Variants in STK38 observed in about 807,000 individuals in gnomAD.
The protein encoded by STK38 is serine/threonine-protein kinase 38.
In STK38, 26 loss-of-function variants were observed where a neutral mutation model predicts 59.0. The observed-to-expected ratio is 0.44, with a 90% CI of 0.32 to 0.61. The LOEUF (loss-of-function observed/expected upper bound fraction) is 0.61, where lower values mean the gene tolerates loss of function less well. STK38 is among the 20% of genes least tolerant of loss of function. The pLI is 0.04. For synonymous variants in STK38, 175 were observed against 176.6 expected (o/e 0.99, Z 0.07); for missense variants, 433 against 566.0 (o/e 0.76, Z 2.38).
chr6:36,509,663 C>T (rs1023715730), intron 7 of STK38, among the ~76,000 whole-genome samples: 1 of 152,058 alleles, frequency 6.6e-6, no homozygotes, highest in South Asian at 2.1e-4. Flanking sequence ...GACTCAAGGC[C>T]TTTGTCATTA....
Position 36,498,288 on chromosome 6 carries a change from A to G in STK38, c.1076+75T>C. On this transcript the variant is annotated intron_variant, in intron 11 of 13. Transcript: ENST00000229812. ...AAACAGAAAGCAGATTCAGGAGATA[A>G]CAAAAGTTTTTAAAAAAATGGAATC... 2.6e-6 allele frequency: 4 copies of G among 1,554,912 alleles called. No individual in the cohort carries two copies. In the Admixed American group the frequency reaches 8.3e-5, roughly 32 times the overall value.
chr6:36,508,386 G>A (rs1777020149), intron 7 of STK38, among the ~76,000 whole-genome samples: 1 of 152,144 alleles, frequency 6.6e-6, no homozygotes. Context: ...GACAGAGTCT[G>A]TATTCCCAGA....
chr6:36,522,775 G>A (rs1018135232), intron 4 of STK38, among the ~76,000 whole-genome samples: 3 of 138,580 alleles, frequency 2.2e-5, no homozygotes, highest in Non-Finnish European at 3.0e-5. Context: ...AGAATCACTT[G>A]AACCCGAGAG....
intron 12 of STK38, 109 bp from the exon 13 acceptor site, chr6:36,496,914 A>G: frequency 1.5e-6 from 1 of 688,418 alleles, no homozygotes; most frequent in Admixed American, 3.6e-5. Context: ...AAGACTCTTC[A>G]CTGGCAGGCA....
intron 6 of STK38, among the ~76,000 whole-genome samples, chr6:36,517,140 G>C (rs1777275923): frequency 6.6e-6 from 1 of 152,052 alleles, no homozygotes; most frequent in Non-Finnish European, 1.5e-5. Flanking sequence ...AGTTTGCTCA[G>C]AGTTCATCTG....
chr6:36,527,207 A>AAAAAAATATAT (rs60162863), intron 2 of STK38, among the ~76,000 whole-genome samples: 2 of 119,356 alleles, frequency 1.7e-5, no homozygotes, highest in Non-Finnish European at 1.6e-5. Context: ...AAAAAAAAAA[A>AAAAAAATATAT]ATATATGTAT....
At chr6:36,522,994 T>G (rs1777418168) in intron 4 of STK38, among the ~76,000 whole-genome samples, 1 of 152,018 alleles carries the variant, frequency 6.6e-6, no homozygotes, top group Non-Finnish European at 1.5e-5. Flanking sequence ...TGAAGAAAAT[T>G]TACAACCAAA....
At chr6:36,499,067 T>C (rs1301604592) in intron 10 of STK38, among the ~76,000 whole-genome samples, 2 of 151,916 alleles carry the variant, frequency 1.3e-5, no homozygotes, top group Non-Finnish European at 2.9e-5. Flanking sequence ...AGCTAATAGG[T>C]AGAGCTGGGA....
chr6:36,544,750 T>C (rs1039895754), intron 1 of STK38, among the ~76,000 whole-genome samples: 1 of 152,046 alleles, frequency 6.6e-6, no homozygotes, highest in Non-Finnish European at 1.5e-5. Context: ...CACACACCTG[T>C]AGTCCCAGCT....
chr6:36,509,480 T>C (rs778001692), intron 7 of STK38, among the ~76,000 whole-genome samples: 3 of 152,130 alleles, frequency 2.0e-5, no homozygotes, highest in Admixed American at 6.5e-5. Context: ...GATTCTCTTA[T>C]CCGGTGCCTG....
At position 36,545,289 on chromosome 6, in the gene STK38, GAAAAAAAAAAAA is replaced by G. The variant is rs58104312; in HGVS notation, c.-6+1889_-6+1900del. Among the ~76,000 whole-genome samples the G allele has an allele frequency of 2.5e-3, 151 of 60,526 alleles. 1 individual carries two copies. Among genetic ancestry groups the G allele is most frequent in the Middle Eastern group, 0.027 (2 of 74 alleles). The allele number at this position is 60,526 out of a possible 152,430, so 39.7% of individuals were successfully genotyped here. A position where few individuals can be genotyped will look rare whatever the true frequency, so the allele number is the denominator to read the frequency against. ...GCCTGGGTGAGTGAGACTCCGTCTG[GAAAAAAAAAAAA>G]AAAAAAAAAAAAAAGAATAAAGACT... On this transcript the variant is annotated intron_variant, in intron 1 of 13. Coordinates refer to ENST00000229812, the MANE Select transcript of STK38 (RefSeq NM_007271.4).
chr6:36,506,009 T>G (rs1776953517), intron 9 of STK38, among the ~76,000 whole-genome samples: 1 of 152,208 alleles, frequency 6.6e-6, no homozygotes, highest in African/African-American at 2.4e-5. Flanking sequence ...ACGATGTTTC[T>G]TATTTTTCAG....
intron 2 of STK38, among the ~76,000 whole-genome samples, chr6:36,535,468 G>A (rs967160841): frequency 6.6e-6 from 1 of 151,790 alleles, no homozygotes; most frequent in Non-Finnish European, 1.5e-5. Context: ...AAACAAACAA[G>A]CAAGCAAACA....
chr6:36,514,859 A>G lies in STK38; in HGVS notation c.669+479T>C, dbSNP rs1038291280. ...GTGAGACTTCATCTCAAAAAAAAAAAAAAAAAAAAGAGGCTGGGCAGGACT... is the reference window on the plus strand; with the variant it reads ...GTGAGACTTCATCTCAAAAAAAAAAGAAAAAAAAAGAGGCTGGGCAGGACT... On this transcript the variant is annotated intron_variant, in intron 7 of 13. Transcript: ENST00000229812. Among the ~76,000 whole-genome samples, 6 of 151,182 alleles carry G rather than the reference A, an allele frequency of 4.0e-5. No individual in the cohort carries two copies. In the East Asian group the frequency reaches 1.2e-3, roughly 29 times the overall value.
chr6:36,496,843 T>C (rs2127464888), intron 12 of STK38, 38 bp from the exon 13 acceptor site: 4 of 1,454,862 alleles, frequency 2.7e-6, no homozygotes, highest in Non-Finnish European at 3.9e-6. Flanking sequence ...ACTAAGTTAG[T>C]AATCAAATGG....
intron 4 of STK38, among the ~76,000 whole-genome samples, chr6:36,523,619 T>C (rs1187742667): frequency 6.6e-6 from 1 of 152,196 alleles, no homozygotes; most frequent in East Asian, 1.9e-4. Flanking sequence ...ATTGCGTCAG[T>C]AGGTCATCCA....
chr6:36,544,347 A>C (rs113604862), intron 1 of STK38, among the ~76,000 whole-genome samples: 65 of 152,202 alleles, frequency 4.3e-4, no homozygotes, highest in African/African-American at 1.3e-3. Flanking sequence ...AAAACAACAA[A>C]AAAAAAACCT....
chr6:36,534,976 A>G lies in STK38; in HGVS notation c.131+5096T>C, dbSNP rs114551483. Among the ~76,000 whole-genome samples the G allele has an allele frequency of 3.9e-3, 590 of 152,338 alleles. 4 individuals carry two copies. Among genetic ancestry groups the G allele is most frequent in the African/African-American group, 0.013 (539 of 41,584 alleles). On this transcript the variant is annotated intron_variant, in intron 2 of 13. Transcript: ENST00000229812. ...TAGACTAATTAGAAAGTTACAGAAT[A>G]CAAGATCAATATACAAAATTCAGTT...
intron 5 of STK38, among the ~76,000 whole-genome samples, chr6:36,521,227 G>C (rs761352452): frequency 1.3e-5 from 2 of 152,110 alleles, no homozygotes; most frequent in Non-Finnish European, 2.9e-5. Context: ...AATTCATTCA[G>C]AAATTAGAAG....
Sources: gnomAD v4.1 joint callset for allele counts (sites outside exome capture counted in the v4.1 genomes callset) on GRCh38, gnomAD v4.1.1 for gene constraint, MANE v1.5 for transcripts, NCBI Gene and HGNC (gene_info 2026-07-23, HGNC 2026-07-21) for gene names.